CRACD: variants seen among roughly 807,000 people sequenced by gnomAD.
CRACD encodes capping protein-inhibiting regulator of actin dynamics.
In CRACD, 56 loss-of-function variants were observed where a neutral mutation model predicts 106.8. That is an observed-to-expected ratio of 0.52 (90% confidence interval 0.42 to 0.66). The LOEUF is 0.66. CRACD is among the 30% of genes least tolerant of loss of function. The pLI, the probability that CRACD is intolerant of heterozygous loss-of-function variation, is 0.00. For missense variants in CRACD, 1,730 were observed against 1,623.2 expected, an observed-to-expected ratio of 1.07 and a Z score of -1.13; for synonymous variants, 754 against 670.8, an observed-to-expected ratio of 1.12 and a Z score of -1.92.
In CRACD at chr4:56,298,243, C is replaced by T; in HGVS notation, c.14C>T (p.Ala5Val). The change falls in exon 4 of 11, where the codon GCA becomes GTA. Residue 5 changes from alanine to valine, a missense_variant. Ala to Val is a moderately conservative substitution (Grantham distance 64, BLOSUM62 0). This residue lies in a region of CRACD where 1,620 missense variants were observed against 1,481.6 expected (regional missense o/e 1.09). Coordinates refer to ENST00000682029, the MANE Select transcript of CRACD (RefSeq NM_001393381.1). ...TTCAACTATTCTATGGGAACCCGGGCATTTTCCCATGACAGTATTTTTATC... is the reference window on the plus strand; with the variant it reads ...TTCAACTATTCTATGGGAACCCGGGTATTTTCCCATGACAGTATTTTTATC... MGTR[A>V]FSHDSIFIPD... 1.2e-6 allele frequency: 2 copies of T among 1,614,050 alleles called. No homozygotes were observed. Among genetic ancestry groups the T allele is most frequent in the Middle Eastern group, 1.6e-4 (1 of 6,062 alleles).
chr4:56,221,362 A>G (rs1359654504), intron 2 of CRACD, among the ~76,000 whole-genome samples: 1 of 152,214 alleles, frequency 6.6e-6, no homozygotes, highest in Non-Finnish European at 1.5e-5. Flanking sequence ...ATTTTCTTGT[A>G]AATGCATACA....
At chr4:56,173,593 A>T (rs2109425772) in intron 1 of CRACD, among the ~76,000 whole-genome samples, 1 of 152,366 alleles carries the variant, frequency 6.6e-6, no homozygotes, top group South Asian at 2.1e-4. Context: ...GGAAAACCAG[A>T]TTTCAGACTT....
Position 56,328,130 on chromosome 4 carries a change from C to G in CRACD, c.*326C>G. 5.3e-6 allele frequency: 2 copies of G among 378,150 alleles called. No homozygotes were observed. The highest frequency in any genetic ancestry group is 3.7e-5 in the Admixed American group (1 of 27,086). The allele number at this position is 378,150 out of a possible 1,614,324, so 23.4% of individuals were successfully genotyped here. On this transcript the variant is annotated 3_prime_UTR_variant, in exon 11 of 11. Transcript: ENST00000682029. ...GGCCTTGCACACACACCCACCCACA[C>G]ACCATTCAGAACATGTACTTTTGCC...
At chr4:56,167,026 C>T (rs1349521994) in intron 1 of CRACD, among the ~76,000 whole-genome samples, 1 of 152,150 alleles carries the variant, frequency 6.6e-6, no homozygotes, top group East Asian at 1.9e-4. Context: ...ACTCTAAGAA[C>T]ACTGTCTTGA....
At position 56,143,853 on chromosome 4, in the gene CRACD, T is replaced by C. The variant is rs566754147; in HGVS notation, c.-335-35431T>C. The stretch of plus-strand genomic sequence containing the variant: ...ATTAGGGATTAAATGGTGAGCAAGA[T>C]TATGAGATCTCTGCTCTCTTGGAGT... On this transcript the variant is annotated intron_variant, in intron 1 of 10. Transcript: ENST00000682029. Among the ~76,000 whole-genome samples, 12 of 152,304 alleles carry C rather than the reference T, an allele frequency of 7.9e-5. No homozygotes were observed. In the East Asian group the frequency reaches 2.3e-3, roughly 29 times the overall value.
chr4:56,136,291 CTG>C (rs1179925411), intron 1 of CRACD, among the ~76,000 whole-genome samples: 2 of 151,994 alleles, frequency 1.3e-5, no homozygotes, highest in Non-Finnish European at 1.5e-5. Context: ...AGTGAAATGG[CTG>C]TGTGTGTGGT....
chr4:56,149,471 A>C (rs1374159634), intron 1 of CRACD, among the ~76,000 whole-genome samples: 1 of 152,250 alleles, frequency 6.6e-6, no homozygotes, highest in East Asian at 1.9e-4. Flanking sequence ...ACATTTCCTT[A>C]TTCAGTTCCT....
At chr4:56,299,287 T>C (rs1186990475) in intron 4 of CRACD, among the ~76,000 whole-genome samples, 1 of 152,012 alleles carries the variant, frequency 6.6e-6, no homozygotes, top group African/African-American at 2.4e-5. Flanking sequence ...CTACATATGA[T>C]TGAAATGACA....
intron 2 of CRACD, among the ~76,000 whole-genome samples, chr4:56,256,379 G>A (rs1741361492): frequency 1.3e-5 from 2 of 152,200 alleles, no homozygotes; most frequent in African/African-American, 4.8e-5. Context: ...CCATGGAACT[G>A]TAGTCCATTA....
intron 3 of CRACD, among the ~76,000 whole-genome samples, chr4:56,294,414 C>T (rs61650558): frequency 0.014 from 2,176 of 151,896 alleles, 62 homozygotes; most frequent in African/African-American, 0.05. Context: ...AAGAATAAAC[C>T]TATCAAAATA....
Position 56,263,982 on chromosome 4 carries a change from A to G in CRACD, c.-188-8339A>G, listed in dbSNP as rs530663385. 3.2e-4 allele frequency among the ~76,000 whole-genome samples: 48 copies of G among 152,292 alleles called. 1 individual carries two copies. In the South Asian group the frequency reaches 9.8e-3, roughly 31 times the overall value. On this transcript the variant is annotated intron_variant, in intron 2 of 10. Transcript: ENST00000682029. ...GTAATTTATGGAGAAAAGAGGTTTA[A>G]TTGACTCACAGTTTTGCAGGATGTA...
rs910992537 is a variant in CRACD at position 56,155,408 on chromosome 4, C to T, written c.-335-23876C>T. Among the ~76,000 whole-genome samples, 4 of 152,110 alleles carry T rather than the reference C, an allele frequency of 2.6e-5. No homozygotes were observed. The South Asian group carries it at 6.2e-4, about 24-fold the overall frequency. The stretch of plus-strand genomic sequence containing the variant: ...AGGATCCTGCAAATGACATGGAACC[C>T]GTGGGTATATCAGGTGATATTCTGG... On this transcript the variant is annotated intron_variant, in intron 1 of 10. Coordinates refer to ENST00000682029, the MANE Select transcript of CRACD (RefSeq NM_001393381.1).
At chr4:56,218,420 TCCCTCCCTTC>T (rs1738834329) in intron 2 of CRACD, among the ~76,000 whole-genome samples, 1 of 149,704 alleles carries the variant, frequency 6.7e-6, no homozygotes. Flanking sequence ...CTGCTTTCTT[TCCCTCCCTTC>T]CCCTCCCTTT....
chr4:56,164,075 A>G (rs562443505), intron 1 of CRACD, among the ~76,000 whole-genome samples: 1 of 151,770 alleles, frequency 6.6e-6, no homozygotes, highest in African/African-American at 2.4e-5. Context: ...TGACACTTGT[A>G]GAGCTTCTGT....
intron 3 of CRACD, among the ~76,000 whole-genome samples, chr4:56,294,238 A>T (rs1406332907): frequency 6.7e-6 from 1 of 149,832 alleles, no homozygotes; most frequent in Non-Finnish European, 1.5e-5. Context: ...AAAAAAAAAG[A>T]ATCAGCAGTC....
intron 1 of CRACD, among the ~76,000 whole-genome samples, chr4:56,125,498 A>G (rs928989082): frequency 6.6e-6 from 1 of 152,030 alleles, no homozygotes; most frequent in Admixed American, 6.6e-5. Context: ...GGCTCACTGC[A>G]TCCTCAACCT....
chr4:56,054,297 C>G (rs1577932545), intron 1 of CRACD, among the ~76,000 whole-genome samples: 1 of 152,258 alleles, frequency 6.6e-6, no homozygotes, highest in East Asian at 1.9e-4. Flanking sequence ...CCTCCTAGCT[C>G]AGCCTCCTGA....
intron 1 of CRACD, among the ~76,000 whole-genome samples, chr4:56,095,865 G>A (rs1221755987): frequency 2.0e-5 from 3 of 152,176 alleles, no homozygotes; most frequent in Non-Finnish European, 4.4e-5. Flanking sequence ...AGCTGAGATA[G>A]GATAGTGTTA....
In CRACD at chr4:56,180,073, G is replaced by A. The variant is rs115289823; in HGVS notation, c.-189+643G>A. 4.7e-3 allele frequency among the ~76,000 whole-genome samples: 716 copies of A among 152,206 alleles called. 5 individuals carry two copies. Among genetic ancestry groups the A allele is most frequent in the African/African-American group, 0.016 (681 of 41,538 alleles). ...TTTTCTTGCTATTAGAAAATTCAAT[G>A]GAAACAGTGGCCTTGTGTCTCATGG... is the stretch of plus-strand genomic sequence containing the variant. On this transcript the variant is annotated intron_variant, in intron 2 of 10. Transcript: ENST00000682029.
Sources: allele counts gnomAD v4.1 joint callset (sites outside exome capture counted in the v4.1 genomes callset), GRCh38; gene constraint gnomAD v4.1.1; regional missense constraint gnomAD v4.1.1; transcripts MANE v1.5; gene names NCBI Gene and HGNC (gene_info 2026-07-23, HGNC 2026-07-21).